The following MMP16 variants were observed in gnomAD, a reference collection of about 807,000 sequenced individuals.
MMP16 encodes matrix metalloproteinase-16.
Under a neutral mutation model 67.8 loss-of-function variants are expected in MMP16, and 12 were observed. The observed-to-expected ratio is 0.18, with a 90% CI of 0.11 to 0.29. The LOEUF is 0.29. Among genes scored for constraint, MMP16 ranks in the 10% least tolerant of loss-of-function variants. MMP16 has a pLI of 1.00. For synonymous variants in MMP16, 249 were observed against 255.9 expected (o/e 0.97, Z 0.26); for missense variants, 475 against 765.7 (o/e 0.62, Z 4.48).
At chr8:88,244,501 G>A (rs1444064051) in intron 1 of MMP16, among the ~76,000 whole-genome samples, 1 of 152,104 alleles carries the variant, frequency 6.6e-6, no homozygotes, top group African/African-American at 2.4e-5. Context: ...CATAATACAT[G>A]TAACAGTTTC....
intron 1 of MMP16, among the ~76,000 whole-genome samples, chr8:88,223,849 A>T (rs988204991): frequency 3.3e-5 from 5 of 152,058 alleles, no homozygotes; most frequent in African/African-American, 9.7e-5. Flanking sequence ...ATAATAATAA[A>T]AAAAGAAAAT....
chr8:88,063,551 C>T (rs1016471214), intron 7 of MMP16, among the ~76,000 whole-genome samples: 1 of 149,058 alleles, frequency 6.7e-6, no homozygotes, highest in South Asian at 2.1e-4. Context: ...CTTTTTGACT[C>T]CCTTGAACTG....
At chr8:88,063,385 C>A (rs1466904888) in intron 7 of MMP16, among the ~76,000 whole-genome samples, 1 of 151,362 alleles carries the variant, frequency 6.6e-6, no homozygotes, top group African/African-American at 2.4e-5. Context: ...CTTTGTGGAA[C>A]AGACTAGCAG....
chr8:88,236,177 G>A (rs7825130), intron 1 of MMP16, among the ~76,000 whole-genome samples: 5 of 151,906 alleles, frequency 3.3e-5, no homozygotes, highest in African/African-American at 1.2e-4. Flanking sequence ...AAGGAGAGGA[G>A]ACAGAACAGC....
chr8:88,317,588 C>T (rs769200574), intron 1 of MMP16, among the ~76,000 whole-genome samples: 16 of 152,138 alleles, frequency 1.1e-4, no homozygotes, highest in Admixed American at 2.0e-4. Flanking sequence ...GAAAACCAAA[C>T]CAGCAATATC....
intron 1 of MMP16, among the ~76,000 whole-genome samples, chr8:88,296,466 T>G (rs1224677061): frequency 6.6e-6 from 1 of 152,152 alleles, no homozygotes; most frequent in African/African-American, 2.4e-5. Flanking sequence ...TTGAAATATT[T>G]TATACACTAT....
chr8:88,135,750 G>A (rs1808108233), intron 4 of MMP16, among the ~76,000 whole-genome samples: 2 of 151,782 alleles, frequency 1.3e-5, no homozygotes, highest in Non-Finnish European at 2.9e-5. Context: ...TTTCTGGTTT[G>A]GACAATTACA....
intron 1 of MMP16, among the ~76,000 whole-genome samples, chr8:88,224,379 C>G (rs558964487): frequency 6.6e-6 from 1 of 152,026 alleles, no homozygotes; most frequent in East Asian, 1.9e-4. Flanking sequence ...ATACTATAAA[C>G]AGATAGTTTT....
At chr8:88,181,831 A>G (rs1189515504) in intron 3 of MMP16, among the ~76,000 whole-genome samples, 1 of 152,014 alleles carries the variant, frequency 6.6e-6, no homozygotes, top group Non-Finnish European at 1.5e-5. Context: ...ACATATATCA[A>G]AGGAACAAAG....
rs935769457 is a variant in MMP16 at position 88,058,939 on chromosome 8, T to C, written c.1223-2661A>G. Among the ~76,000 whole-genome samples the C allele has an allele frequency of 2.0e-5, 3 of 152,074 alleles. No individual in the cohort carries two copies. Among genetic ancestry groups the C allele is most frequent in the African/African-American group, 7.2e-5 (3 of 41,434 alleles). ...ATTTTGGAGATGGAATTGATAGGCA[T>C]TGCCAAGGGAAATAAAATAAAGATA... On this transcript the variant is annotated intron_variant, in intron 7 of 9. Transcript: ENST00000286614. This position sits in a 1 kb window ranked among gnomAD's most constrained non-coding sequence, Gnocchi z 4.2.
chr8:88,108,321 C>T (rs1350037857), intron 6 of MMP16, among the ~76,000 whole-genome samples: 3 of 151,178 alleles, frequency 2.0e-5, no homozygotes, highest in Non-Finnish European at 4.4e-5. Context: ...CCAATATCTA[C>T]TCCCTCTTTT....
rs1304955755 is a variant in MMP16, at chr8:88,149,848, C to A, written c.709+17821G>T. 1.2e-3 allele frequency among the ~76,000 whole-genome samples: 185 copies of A among 150,288 alleles called. 1 individual carries two copies. The highest frequency in any genetic ancestry group is 4.3e-3 in the African/African-American group (176 of 41,206). ...ACGCAGTTCCTCACCAGCAACGGAA[C>A]AAAGCTGGATGGAGAATGACTTTGA... On this transcript the variant is annotated intron_variant, in intron 4 of 9. Transcript: ENST00000286614.
chr8:88,075,974 C>CACACACACAG (rs1467455212), intron 6 of MMP16, among the ~76,000 whole-genome samples: 2 of 151,208 alleles, frequency 1.3e-5, no homozygotes, highest in Admixed American at 6.6e-5. Context: ...CACACACACA[C>CACACACACAG]AAAATCTACT....
chr8:88,215,749 T>G (rs2129830559), intron 1 of MMP16, among the ~76,000 whole-genome samples: 1 of 152,284 alleles, frequency 6.6e-6, no homozygotes, highest in East Asian at 1.9e-4. Flanking sequence ...GTAGTTTTTC[T>G]TAACTGCCCC....
intron 1 of MMP16, among the ~76,000 whole-genome samples, chr8:88,225,834 T>C (rs1416241412): frequency 6.6e-6 from 1 of 152,038 alleles, no homozygotes; most frequent in Non-Finnish European, 1.5e-5. Context: ...CACAAGTGTT[T>C]TGTCTATTTT....
chr8:88,050,970 T>C (rs1246924517), intron 8 of MMP16, among the ~76,000 whole-genome samples: 1 of 152,188 alleles, frequency 6.6e-6, no homozygotes, highest in Admixed American at 6.5e-5. Context: ...GGGTATGAAT[T>C]TGTCAACATA....
chr8:88,120,366 A>G (rs1306138841), intron 4 of MMP16, among the ~76,000 whole-genome samples: 1 of 151,976 alleles, frequency 6.6e-6, no homozygotes, highest in African/African-American at 2.4e-5. Context: ...GGAACATCTA[A>G]TCCCAATGCT....
At chr8:88,299,766 T>G in intron 1 of MMP16, among the ~76,000 whole-genome samples, 1 of 152,176 alleles carries the variant, frequency 6.6e-6, no homozygotes, top group Non-Finnish European at 1.5e-5. Context: ...ATCTGCAAAA[T>G]CATTCTTCTT....
rs888898777 is a variant in MMP16, at chr8:88,317,750, T to A, written c.132+9325A>T. On this transcript the variant is annotated intron_variant, in intron 1 of 9. Coordinates refer to ENST00000286614, the MANE Select transcript of MMP16 (RefSeq NM_005941.5). ...GTTAATAAACAAATTATGTGAGTGC[T>A]GAAAGCTACATACAAGAACAATCTT... Among the ~76,000 whole-genome samples, 5 of 152,164 alleles carry A rather than the reference T, an allele frequency of 3.3e-5. No homozygotes were observed. The South Asian group carries it at 1.0e-3, about 32-fold the overall frequency.
Sources: allele counts gnomAD v4.1 joint callset (sites outside exome capture counted in the v4.1 genomes callset), GRCh38; gene constraint gnomAD v4.1.1; non-coding constraint Gnocchi (gnomAD v3.1); transcripts MANE v1.5; gene names NCBI Gene and HGNC (gene_info 2026-07-23, HGNC 2026-07-21).